PCDHGA1: variants seen among roughly 807,000 people sequenced by gnomAD.
PCDHGA1 encodes protocadherin gamma subfamily A, 1.
Under a neutral mutation model 58.0 loss-of-function variants are expected in PCDHGA1, and 32 were observed. The observed-to-expected ratio is 0.55, with a 90% CI of 0.42 to 0.74. PCDHGA1 has a LOEUF of 0.74. Among genes scored for constraint, PCDHGA1 ranks in the 30% least tolerant of loss-of-function variants. PCDHGA1 has a pLI of 0.00. For missense variants in PCDHGA1, 1,205 were observed against 1,182.3 expected, an observed-to-expected ratio of 1.02 and a Z score of -0.28; for synonymous variants, 498 against 501.1, an observed-to-expected ratio of 0.99 and a Z score of 0.08.
chr5:141,472,980 C>CAAAAAAAAA (rs60579131), intron 1 of PCDHGA1, among the ~76,000 whole-genome samples: 30 of 86,054 alleles, frequency 3.5e-4, no homozygotes, highest in African/African-American at 5.0e-4. Context: ...GAGTGAAACT[C>CAAAAAAAAA]AAAAAAAAAA....
chr5:141,464,419 A>C (rs2099083824), intron 1 of PCDHGA1, among the ~76,000 whole-genome samples: 1 of 151,658 alleles, frequency 6.6e-6, no homozygotes, highest in Non-Finnish European at 1.5e-5. Flanking sequence ...ATATATCTAT[A>C]TATATAGATA....
rs774079222 is a variant in PCDHGA1 at position 141,491,314 on chromosome 5, C to T, written c.2422-3493C>T. On this transcript the variant is annotated intron_variant, in intron 1 of 3. Coordinates refer to ENST00000517417, the MANE Select transcript of PCDHGA1 (RefSeq NM_018912.3). This position sits in a 1 kb window ranked among gnomAD's most constrained non-coding sequence, Gnocchi z 6.9. ...CCCTCCTGAGCGTTCAGACCTTACC[C>T]TTTACCTCATTGTGGCTCTAGCGAC... The T allele has an allele frequency of 1.9e-6, 3 of 1,614,182 alleles. No individual in the cohort carries two copies. In the South Asian group the frequency reaches 3.3e-5, roughly 18 times the overall value.
At chr5:141,403,039 T>A (rs989723883) in intron 1 of PCDHGA1, 64 of 1,614,050 alleles carry the variant, frequency 4.0e-5, no homozygotes, top group Non-Finnish European at 5.4e-5. Context: ...CCAGGGCCAG[T>A]CAGATTCGCT....
chr5:141,389,935 C>A, intron 1 of PCDHGA1: 1 of 1,614,084 alleles, frequency 6.2e-7, no homozygotes, highest in Non-Finnish European at 8.5e-7. Flanking sequence ...GACCTCCAGG[C>A]TGAGCTGCAG....
In PCDHGA1 at chr5:141,366,241, G is replaced by T. The variant is rs762618712; in HGVS notation, c.2421+33136G>T. On this transcript the variant is annotated intron_variant, in intron 1 of 3. Transcript: ENST00000517417. ...CGCGAGCCCTGCTGGACAGAGACGC[G>T]CTCAAGCAGAGCCTCGTGGTGGCCG... The T allele has an allele frequency of 4.3e-6, 7 of 1,613,748 alleles. No individual in the cohort carries two copies. The South Asian group carries it at 5.5e-5, about 13-fold the overall frequency.
intron 1 of PCDHGA1, chr5:141,375,942 G>A (rs1772069544): frequency 1.2e-6 from 2 of 1,613,400 alleles, no homozygotes; most frequent in African/African-American, 2.7e-5. Flanking sequence ...TTCTCAGTGG[G>A]CCTGCACACG....
In PCDHGA1 at chr5:141,485,441, A is replaced by G. The variant is rs1562105312; in HGVS notation, c.2422-9366A>G. ...CGGAGCCCTGCTCATCAAGAACCCA[A>G]TCGACCGAGAGGCACTGTGTGGGCT... On this transcript the variant is annotated intron_variant, in intron 1 of 3. Transcript: ENST00000517417. The surrounding 1 kb of genome is among the most constrained non-coding windows in gnomAD (Gnocchi z 5.7). 3 of 1,613,910 alleles carry G rather than the reference A, an allele frequency of 1.9e-6. No homozygotes were observed. Among genetic ancestry groups the G allele is most frequent in the South Asian group, 1.1e-5 (1 of 91,062 alleles).
At chr5:141,420,291 G>A in intron 1 of PCDHGA1, 1 of 1,494,346 alleles carries the variant, frequency 6.7e-7, no homozygotes, top group Non-Finnish European at 9.0e-7. Context: ...ATTTAAAAAT[G>A]TATTTAATCC....
chr5:141,419,872 A>G (rs1354880437), intron 1 of PCDHGA1: 1 of 1,614,094 alleles, frequency 6.2e-7, no homozygotes, highest in Admixed American at 1.7e-5. Flanking sequence ...TGCAAGAGGT[A>G]CTGCCGGATT....
chr5:141,491,291 C>A lies in PCDHGA1; in HGVS notation c.2422-3516C>A. The A allele has an allele frequency of 8.1e-6, 13 of 1,614,152 alleles. No individual in the cohort carries two copies. Among genetic ancestry groups the A allele is most frequent in the Non-Finnish European group, 1.1e-5 (13 of 1,179,974 alleles). On this transcript the variant is annotated intron_variant, in intron 1 of 3. Transcript: ENST00000517417. This position sits in a 1 kb window ranked among gnomAD's most constrained non-coding sequence, Gnocchi z 6.9. The stretch of plus-strand genomic sequence containing the variant: ...AAATCCAGTGACTTCCTCATACACC[C>A]TCCTGAGCGTTCAGACCTTACCCTT...
Position 141,432,044 on chromosome 5 carries a change from A to T in PCDHGA1, c.2422-62763A>T. 6.2e-7 allele frequency: 1 copy of T among 1,613,886 alleles called. No individual in the cohort carries two copies. Among genetic ancestry groups the T allele is most frequent in the Non-Finnish European group, 8.5e-7 (1 of 1,179,922 alleles). ...CACAGTGACCGCCACTGACCGGGGA[A>T]CCCCGCCCCTATCCACGGAAACTCA... On this transcript the variant is annotated intron_variant, in intron 1 of 3. Coordinates refer to ENST00000517417, the MANE Select transcript of PCDHGA1 (RefSeq NM_018912.3). This position sits in a 1 kb window ranked among gnomAD's most constrained non-coding sequence, Gnocchi z 6.0.
rs1267722283 is a variant in PCDHGA1 at position 141,493,105 on chromosome 5, G to A, written c.2422-1702G>A. Reference sequence around the variant, plus strand: ...GAGCTTTTATTCAAAATATATCAATGCCTAACTCTGCTCCTAGGACTGTAT... The same window carrying A: ...GAGCTTTTATTCAAAATATATCAATACCTAACTCTGCTCCTAGGACTGTAT... On this transcript the variant is annotated intron_variant, in intron 1 of 3. Coordinates refer to ENST00000517417, the MANE Select transcript of PCDHGA1 (RefSeq NM_018912.3). This position sits in a 1 kb window ranked among gnomAD's most constrained non-coding sequence, Gnocchi z 4.3. Among the ~76,000 whole-genome samples, 1 of 152,076 alleles carries A rather than the reference G, an allele frequency of 6.6e-6. No homozygotes were observed. Among genetic ancestry groups the A allele is most frequent in the Non-Finnish European group, 1.5e-5 (1 of 67,994 alleles).
chr5:141,414,152 A>T, intron 1 of PCDHGA1: 1 of 1,600,994 alleles, frequency 6.2e-7, no homozygotes, highest in Non-Finnish European at 8.5e-7. Flanking sequence ...ATACAAGCAG[A>T]AGATGGAGGA....
At chr5:141,494,938 G>A in intron 2 of PCDHGA1, 73 bp downstream of exon 2, 1 of 1,611,916 alleles carries the variant, frequency 6.2e-7, no homozygotes, top group South Asian at 1.1e-5. Context: ...AGGAGATGGG[G>A]GAGGGCCCAG....
intron 1 of PCDHGA1, chr5:141,420,053 T>C (rs1178680836): frequency 3.1e-6 from 5 of 1,613,970 alleles, no homozygotes; most frequent in Non-Finnish European, 2.5e-6. Context: ...GTCAGTTCTC[T>C]GCTCCAAGTC....
At chr5:141,338,633 G>A (rs113800710) in intron 1 of PCDHGA1, 2,472 of 199,758 alleles carry the variant, frequency 0.012, 67 homozygotes, top group African/African-American at 0.054. Context: ...TCTTTAAAGC[G>A]CCTTGAAAGT....
intron 1 of PCDHGA1, chr5:141,366,169 G>A (rs1281971399): frequency 6.2e-7 from 1 of 1,613,962 alleles, no homozygotes; most frequent in Non-Finnish European, 8.5e-7. Flanking sequence ...AGGCCAGCGA[G>A]CCAGGACTCT....
In PCDHGA1 at chr5:141,330,986, CGT is replaced by C. The variant is rs780878525; in HGVS notation, c.305_306del (p.Cys102SerfsTer5). 1 of 1,614,150 alleles carries C rather than the reference CGT, an allele frequency of 6.2e-7. No homozygotes were observed. Among genetic ancestry groups the C allele is most frequent in the South Asian group, 1.1e-5 (1 of 91,076 alleles). On this transcript the variant is annotated frameshift_variant, in exon 1 of 4. Coordinates refer to ENST00000517417, the MANE Select transcript of PCDHGA1 (RefSeq NM_018912.3). LOFTEE classifies it high-confidence loss of function. ...GAGGAGCTCTGCGCTCAGAGCATGC[CGT>C]GTCTCGTGAGTTTTAATATCCTTGT...
chr5:141,371,018 C>G, intron 1 of PCDHGA1: 1 of 1,613,994 alleles, frequency 6.2e-7, no homozygotes, highest in Non-Finnish European at 8.5e-7. Flanking sequence ...AGCCACATCA[C>G]CACCTGGTCC....
Sources: allele counts gnomAD v4.1 joint callset (sites outside exome capture counted in the v4.1 genomes callset), GRCh38; gene constraint gnomAD v4.1.1; non-coding constraint Gnocchi (gnomAD v3.1); transcripts MANE v1.5; gene names NCBI Gene and HGNC (gene_info 2026-07-23, HGNC 2026-07-21).